The following WDR12 variants were observed in gnomAD, a reference collection of about 807,000 sequenced individuals.
WDR12 encodes ribosome biogenesis protein WDR12.
A neutral mutation model predicts 64.3 loss-of-function variants in WDR12; 42 were observed. The ratio of observed to expected loss-of-function variants is 0.65; its 90% CI spans 0.51 to 0.84. The LOEUF (loss-of-function observed/expected upper bound fraction) is 0.84. WDR12 is among the 40% of genes least tolerant of loss of function. The pLI is 0.00. For synonymous variants in WDR12, 158 were observed against 173.3 expected, an observed-to-expected ratio of 0.91 and a Z score of 0.70; for missense variants, 469 against 494.6, an observed-to-expected ratio of 0.95 and a Z score of 0.49.
chr2:202,897,244 G>T, intron 5 of WDR12, 56 bp downstream of exon 5: 1 of 1,257,620 alleles, frequency 8.0e-7, no homozygotes, highest in Non-Finnish European at 1.1e-6. Context: ...ACCAAAAATG[G>T]CTTATTTCCA....
chr2:202,903,426 TCCTAG>T, intron 2 of WDR12, among the ~76,000 whole-genome samples: 1 of 130,592 alleles, frequency 7.7e-6, no homozygotes, highest in Admixed American at 9.6e-5. Flanking sequence ...GCAATGGAAG[TCCTAG>T]CTAGAGCAAT....
At chr2:202,897,528 G>GA (rs1281854806) in intron 4 of WDR12, 113 bp from the exon 5 acceptor site, 4 of 508,414 alleles carry the variant, frequency 7.9e-6, no homozygotes, top group Non-Finnish European at 1.3e-5. Context: ...ACTCTTTTTT[G>GA]ATATGAAGAT....
chr2:202,895,608 T>C (rs1475509115), intron 6 of WDR12, among the ~76,000 whole-genome samples: 3 of 149,884 alleles, frequency 2.0e-5, no homozygotes, highest in Non-Finnish European at 3.0e-5. Flanking sequence ...CTGCAACCTC[T>C]GTCTCCCGGG....
At chr2:202,889,023 G>A (rs914629447) in intron 8 of WDR12, among the ~76,000 whole-genome samples, 4 of 152,048 alleles carry the variant, frequency 2.6e-5, no homozygotes, top group African/African-American at 9.7e-5. Context: ...TATTTCTAAC[G>A]CAGCAACATT....
chr2:202,882,295 A>T (rs1687963250), intron 12 of WDR12, among the ~76,000 whole-genome samples: 1 of 151,960 alleles, frequency 6.6e-6, no homozygotes, highest in South Asian at 2.1e-4. Context: ...ATTAAGTGAA[A>T]TAATACAGAA....
chr2:202,896,376 A>C (rs1447075472), intron 5 of WDR12, among the ~76,000 whole-genome samples, 157 bp from the exon 6 acceptor site: 4 of 152,220 alleles, frequency 2.6e-5, no homozygotes, highest in Non-Finnish European at 5.9e-5. Context: ...GATGTGGTAT[A>C]AAGAAAAGAT....
At chr2:202,902,112 T>C (rs1040762105) in intron 2 of WDR12, among the ~76,000 whole-genome samples, 1 of 152,220 alleles carries the variant, frequency 6.6e-6, no homozygotes, top group Non-Finnish European at 1.5e-5. Context: ...TAACAGTCTA[T>C]ACAGAAGGAA....
chr2:202,899,494 A>G (rs1410373156), intron 4 of WDR12, 37 bp downstream of exon 4: 5 of 1,584,362 alleles, frequency 3.2e-6, no homozygotes, highest in Non-Finnish European at 4.3e-6. Context: ...GGTAAAAACA[A>G]AACAAAAAAA....
intron 4 of WDR12, among the ~76,000 whole-genome samples, chr2:202,898,915 C>T (rs1213175428): frequency 1.4e-5 from 2 of 146,232 alleles, no homozygotes; most frequent in Non-Finnish European, 3.0e-5. Flanking sequence ...AGTTTGCGAC[C>T]AGCCTGGGCA....
intron 2 of WDR12, among the ~76,000 whole-genome samples, chr2:202,901,991 A>G (rs1296944694): frequency 6.6e-6 from 1 of 152,162 alleles, no homozygotes; most frequent in African/African-American, 2.4e-5. Flanking sequence ...TATCAGTCTG[A>G]TTCTATCCAC....
intron 3 of WDR12, among the ~76,000 whole-genome samples, chr2:202,900,712 C>G (rs1386319601): frequency 6.6e-6 from 1 of 152,108 alleles, no homozygotes; most frequent in Admixed American, 6.6e-5. Flanking sequence ...ATTTGCTATT[C>G]CCTTTCTTGC....
intron 4 of WDR12, among the ~76,000 whole-genome samples, chr2:202,897,942 T>A (rs1381335515): frequency 7.6e-6 from 1 of 130,722 alleles, no homozygotes; most frequent in Non-Finnish European, 1.7e-5. Flanking sequence ...ATATATCATA[T>A]ATATACATAG....
intron 12 of WDR12, among the ~76,000 whole-genome samples, chr2:202,881,493 C>T (rs1285072777): frequency 6.6e-6 from 1 of 152,008 alleles, no homozygotes; most frequent in African/African-American, 2.4e-5. Flanking sequence ...TGAAGATACT[C>T]GTGGGGGCTA....
At chr2:202,892,211 T>C (rs1470679579) in intron 8 of WDR12, among the ~76,000 whole-genome samples, 1 of 152,228 alleles carries the variant, frequency 6.6e-6, no homozygotes, top group African/African-American at 2.4e-5. Context: ...TCTTGGTTTC[T>C]AGTGATTTAG....
intron 1 of WDR12, 84 bp from the exon 2 acceptor site, chr2:202,908,043 G>A: frequency 8.1e-7 from 1 of 1,241,640 alleles, no homozygotes; most frequent in Non-Finnish European, 1.2e-6. Context: ...TACATTTATT[G>A]GGTAAATAAA....
intron 4 of WDR12, among the ~76,000 whole-genome samples, chr2:202,899,032 GTTTTTTTTTTT>G (rs779419072): frequency 4.1e-5 from 3 of 73,652 alleles, no homozygotes; most frequent in South Asian, 6.8e-4. Flanking sequence ...AATACCTGTG[GTTTTTTTTTTT>G]TTTTTTTTTT....
chr2:202,885,371 GGT>G (rs1225742389), intron 8 of WDR12, among the ~76,000 whole-genome samples: 3 of 152,116 alleles, frequency 2.0e-5, no homozygotes, highest in Non-Finnish European at 4.4e-5. Flanking sequence ...CCCAGGATGC[GGT>G]GGGTGAAAGT....
intron 4 of WDR12, 149 bp downstream of exon 4, chr2:202,899,382 T>C: frequency 7.6e-6 from 5 of 657,698 alleles, no homozygotes; most frequent in Non-Finnish European, 1.2e-5. Context: ...AAAAGATCTT[T>C]CTGTTTGCCA....
Position 202,901,594 on chromosome 2 carries a change from T to C in WDR12, c.137-475A>G, listed in dbSNP as rs915948960. On this transcript the variant is annotated intron_variant, in intron 2 of 12. Transcript: ENST00000261015. ...TAACATCAAATAGTCAATGTTCTTT[T>C]ACAGTGAGCTTTCAAAAATCAGCAT... is the stretch of plus-strand genomic sequence containing the variant. 2.0e-5 allele frequency among the ~76,000 whole-genome samples: 3 copies of C among 152,234 alleles called. No individual in the cohort carries two copies. In the South Asian group the frequency reaches 6.2e-4, roughly 32 times the overall value.
Sources: allele counts gnomAD v4.1 joint callset (sites outside exome capture counted in the v4.1 genomes callset), GRCh38; gene constraint gnomAD v4.1.1; transcripts MANE v1.5; gene names NCBI Gene and HGNC (gene_info 2026-07-23, HGNC 2026-07-21).